Variants in CPEB3 observed in about 807,000 individuals in gnomAD.
CPEB3 encodes the protein cytoplasmic polyadenylation element binding protein 3.
A neutral mutation model predicts 67.2 loss-of-function variants in CPEB3; 20 were observed. The ratio of observed to expected loss-of-function variants is 0.30; its 90% CI spans 0.21 to 0.43. CPEB3 has a LOEUF of 0.43. Among genes scored for constraint, CPEB3 ranks in the 20% least tolerant of loss-of-function variants. CPEB3 has a pLI of 1.00. For missense variants in CPEB3, 746 were observed against 968.6 expected (o/e 0.77, Z 3.05); for synonymous variants, 376 against 393.1 (o/e 0.96, Z 0.51).
chr10:92,081,212 C>T (rs1032485705), intron 9 of CPEB3, 108 bp downstream of exon 9: 1 of 1,155,412 alleles, frequency 8.7e-7, no homozygotes, highest in African/African-American at 1.5e-5. Context: ...TAATGCCATG[C>T]AAGGTAGAGC....
At chr10:92,187,543 G>C (rs4531371) in intron 3 of CPEB3, among the ~76,000 whole-genome samples, 2 of 152,122 alleles carry the variant, frequency 1.3e-5, no homozygotes, top group Non-Finnish European at 2.9e-5. Flanking sequence ...TAGGGTATAC[G>C]ATCTTACTTC....
chr10:92,240,399 G>A, intron 1 of CPEB3, 38 bp from the exon 2 acceptor site: 1 of 1,434,894 alleles, frequency 7.0e-7, no homozygotes, highest in Non-Finnish European at 9.2e-7. Context: ...TATTGTCAAT[G>A]TGATCATGAA....
intron 2 of CPEB3, among the ~76,000 whole-genome samples, chr10:92,211,786 G>A (rs926246680): frequency 4.6e-5 from 7 of 151,460 alleles, no homozygotes; most frequent in African/African-American, 9.7e-5. Flanking sequence ...CAAGTGATCC[G>A]CCCACCTCAG....
chr10:92,116,429 CAT>C (rs1037953366), intron 6 of CPEB3, among the ~76,000 whole-genome samples: 1 of 151,932 alleles, frequency 6.6e-6, no homozygotes, highest in African/African-American at 2.4e-5. Context: ...TATCTGCTTT[CAT>C]ATATGATTAG....
intron 3 of CPEB3, among the ~76,000 whole-genome samples, chr10:92,185,913 C>A (rs115234904): frequency 1.3e-5 from 2 of 152,128 alleles, no homozygotes; most frequent in Non-Finnish European, 1.5e-5. Flanking sequence ...CTAAAATATT[C>A]TAAATATGTT....
In CPEB3 at chr10:92,167,174, C is replaced by T. The variant is rs113743435; in HGVS notation, c.1222+13789G>A. Among the ~76,000 whole-genome samples the T allele has an allele frequency of 5.0e-3, 765 of 152,290 alleles. 12 individuals are homozygous for T. The highest frequency in any genetic ancestry group is 0.017 in the African/African-American group (723 of 41,554). On this transcript the variant is annotated intron_variant, in intron 4 of 9. Transcript: ENST00000265997. Reference sequence around the variant, plus strand: ...ATGTTGTGGCTGGTTTGTTCTTTTACTCAGGCCACTAAAACTTTCTCCACA... The same window carrying T: ...ATGTTGTGGCTGGTTTGTTCTTTTATTCAGGCCACTAAAACTTTCTCCACA...
At chr10:92,138,232 G>T in intron 6 of CPEB3, 1 of 222,742 alleles carries the variant, frequency 4.5e-6, no homozygotes, top group South Asian at 7.6e-5. Context: ...CCACAGAATT[G>T]GTCGAGGTGG....
At chr10:92,249,632 A>AGT (rs563049319) in intron 1 of CPEB3, among the ~76,000 whole-genome samples, 221 of 151,974 alleles carry the variant, frequency 1.5e-3, no homozygotes, top group African/African-American at 5.2e-3. Context: ...TGGGCAACAG[A>AGT]GTGAGACTCT....
chr10:92,195,194 G>A (rs1032185445), intron 2 of CPEB3, among the ~76,000 whole-genome samples: 1 of 152,100 alleles, frequency 6.6e-6, no homozygotes, highest in African/African-American at 2.4e-5. Flanking sequence ...CTACAGTGAT[G>A]AGAGATTATT....
intron 1 of CPEB3, among the ~76,000 whole-genome samples, chr10:92,249,969 C>T (rs1362430403): frequency 6.6e-6 from 1 of 150,734 alleles, no homozygotes; most frequent in Non-Finnish European, 1.5e-5. Context: ...TTGCAGTGAG[C>T]CCAGATCACA....
chr10:92,111,343 T>A (rs1028897158), intron 6 of CPEB3, 149 bp from the exon 7 acceptor site: 26 of 663,206 alleles, frequency 3.9e-5, no homozygotes, highest in Non-Finnish European at 5.7e-5. Context: ...GTCCAGGAAC[T>A]AAGTTAGGTG....
At chr10:92,229,028 T>C (rs1851131434) in intron 2 of CPEB3, among the ~76,000 whole-genome samples, 1 of 151,726 alleles carries the variant, frequency 6.6e-6, no homozygotes, top group Non-Finnish European at 1.5e-5. Flanking sequence ...TTAAAAAATA[T>C]TTTAATTTTT....
chr10:92,093,743 C>T (rs1446483539), intron 7 of CPEB3, among the ~76,000 whole-genome samples: 2 of 152,148 alleles, frequency 1.3e-5, no homozygotes, highest in African/African-American at 4.8e-5. Flanking sequence ...CTGAGGGGAT[C>T]TACCCACTTC....
At chr10:92,203,480 GTGTGTATA>G (rs1849627525) in intron 2 of CPEB3, among the ~76,000 whole-genome samples, 1 of 144,586 alleles carries the variant, frequency 6.9e-6, no homozygotes, top group Non-Finnish European at 1.5e-5. Context: ...GTATATATAT[GTGTGTATA>G]TGTGTATATA....
intron 9 of CPEB3, among the ~76,000 whole-genome samples, chr10:92,069,298 T>C (rs1842665808): frequency 6.6e-6 from 1 of 152,202 alleles, no homozygotes; most frequent in Admixed American, 6.5e-5. Flanking sequence ...ATATATTAAG[T>C]ACTTAAGGTA....
chr10:92,137,256 T>TG, intron 6 of CPEB3: 2 of 597,306 alleles, frequency 3.3e-6, no homozygotes, highest in Non-Finnish European at 6.1e-6. Flanking sequence ...ATGGCTGTAT[T>TG]GGGGGCACCA....
chr10:92,238,448 T>C (rs957864677), intron 2 of CPEB3, among the ~76,000 whole-genome samples: 3 of 152,192 alleles, frequency 2.0e-5, no homozygotes, highest in East Asian at 1.9e-4. Flanking sequence ...ACAGGACTCA[T>C]TTTTCATTAA....
At chr10:92,166,183 A>G (rs1482437311) in intron 4 of CPEB3, among the ~76,000 whole-genome samples, 2 of 149,978 alleles carry the variant, frequency 1.3e-5, no homozygotes, top group Non-Finnish European at 3.0e-5. Context: ...ATCTCGGCTC[A>G]CTGCCACTTC....
chr10:92,119,733 G>A (rs1294590026), intron 6 of CPEB3, among the ~76,000 whole-genome samples: 1 of 152,042 alleles, frequency 6.6e-6, no homozygotes, highest in Non-Finnish European at 1.5e-5. Context: ...GCTGCTTTGA[G>A]GAAGAAATAT....
Sources: gnomAD v4.1 joint callset for allele counts (sites outside exome capture counted in the v4.1 genomes callset) on GRCh38, gnomAD v4.1.1 for gene constraint, MANE v1.5 for transcripts, NCBI Gene and HGNC (gene_info 2026-07-23, HGNC 2026-07-21) for gene names.